DNAH8: variants seen among roughly 807,000 people sequenced by gnomAD.
DNAH8 encodes axonemal beta dynein heavy chain 8.
Under a neutral mutation model 562.1 loss-of-function variants are expected in DNAH8, and 382 were observed. The observed-to-expected ratio is 0.68, with a 90% CI of 0.63 to 0.74. The LOEUF is 0.74. DNAH8 is among the 30% of genes least tolerant of loss of function. The pLI is 0.00. For missense variants in DNAH8, 5,203 were observed against 5,620.4 expected, an observed-to-expected ratio of 0.93 and a Z score of 2.37; for synonymous variants, 1,881 against 1,919.4, an observed-to-expected ratio of 0.98 and a Z score of 0.52.
intron 30 of DNAH8, among the ~76,000 whole-genome samples, chr6:38,831,968 A>C (rs911755909): frequency 1.3e-5 from 2 of 152,164 alleles, no homozygotes; most frequent in African/African-American, 4.8e-5. Context: ...CAATGACTGC[A>C]GGCATGTGAC....
chr6:38,791,804 A>G (rs1769776757), intron 21 of DNAH8, 130 bp downstream of exon 21: 5 of 896,054 alleles, frequency 5.6e-6, no homozygotes, highest in African/African-American at 1.7e-5. Context: ...TTTTGTGAAC[A>G]TTCTCTGCTC....
chr6:38,894,191 T>G (rs1276268812), intron 58 of DNAH8, among the ~76,000 whole-genome samples: 9 of 152,240 alleles, frequency 5.9e-5, no homozygotes, highest in Non-Finnish European at 1.0e-4. Flanking sequence ...CAGGTTATGA[T>G]ATGCAGATAT....
At chr6:38,863,171 C>A (rs947795556) in intron 44 of DNAH8, among the ~76,000 whole-genome samples, 3 of 152,134 alleles carry the variant, frequency 2.0e-5, no homozygotes, top group Non-Finnish European at 2.9e-5. Flanking sequence ...GCACGGCTCA[C>A]GCTTGTAATC....
chr6:39,024,085 A>T (rs1442114500), intron 91 of DNAH8, among the ~76,000 whole-genome samples: 2 of 152,228 alleles, frequency 1.3e-5, no homozygotes, highest in Non-Finnish European at 2.9e-5. Context: ...TTTGTAGCAG[A>T]TGTGCTAAAT....
At chr6:38,980,687 A>G (rs1204986952) in intron 85 of DNAH8, among the ~76,000 whole-genome samples, 1 of 152,168 alleles carries the variant, frequency 6.6e-6, no homozygotes, top group Admixed American at 6.5e-5. Context: ...ATGCCTGACA[A>G]CCTTAACTAA....
chr6:38,883,446 T>C lies in DNAH8; in HGVS notation c.8126T>C (p.Met2709Thr). The C allele has an allele frequency of 6.2e-7, 1 of 1,608,156 alleles. No homozygotes were observed. Among genetic ancestry groups the C allele is most frequent in the South Asian group, 1.1e-5 (1 of 89,374 alleles). ...AACTTTTCATCTGCCACAGAACCAA[T>C]GATGTTTCAGGTGAAATCCATCATT... Reference protein sequence around the residue: ...SLNFSSATEPMMFQRTIESYV... With the variant: ...SLNFSSATEPTMFQRTIESYV... Residue 2709 changes from methionine (M) to threonine (T), a missense_variant, in exon 55 of 93, where the codon ATG becomes ACG. By Grantham distance (81) the Met-to-Thr change is moderately conservative. Transcript: ENST00000327475.
intron 79 of DNAH8, among the ~76,000 whole-genome samples, chr6:38,939,577 A>T (rs1023025118): frequency 6.6e-6 from 1 of 152,244 alleles, no homozygotes; most frequent in African/African-American, 2.4e-5. Flanking sequence ...GATAATTTAA[A>T]AATAACTCCA....
chr6:38,999,642 A>G (rs1372334966), intron 88 of DNAH8, among the ~76,000 whole-genome samples: 1 of 152,062 alleles, frequency 6.6e-6, no homozygotes, highest in Non-Finnish European at 1.5e-5. Flanking sequence ...GAAGTAGGGC[A>G]TGATCACAGT....
chr6:39,030,747 C>G lies in DNAH8; in HGVS notation c.*355C>G, dbSNP rs116194272. Among the ~76,000 whole-genome samples the G allele has an allele frequency of 5.2e-3, 787 of 152,232 alleles. 5 individuals carry two copies. The highest frequency in any genetic ancestry group is 0.014 in the Middle Eastern group (4 of 294). ...GAGCCTAGTAGTTGTAAACTTTTCC[C>G]TCAAGTAGGTACCAATTTCCCTTGA... is the stretch of plus-strand genomic sequence containing the variant. On this transcript the variant is annotated 3_prime_UTR_variant, in exon 93 of 93. Transcript: ENST00000327475.
At position 38,886,913 on chromosome 6, in the gene DNAH8, T is replaced by G; in HGVS notation, c.8382T>G (p.Gly2794=). The G allele has an allele frequency of 6.2e-7, 1 of 1,614,024 alleles. No homozygotes were observed. Among genetic ancestry groups the G allele is most frequent in the Middle Eastern group, 1.6e-4 (1 of 6,062 alleles). The part of the protein sequence containing the change: ...QLIAAMIHPG[G]GRNDIPQRLK... ...TAGCAGCAATGATCCACCCTGGAGG[T>G]GGTCGAAATGATATTCCACAACGTT... is the stretch of plus-strand genomic sequence containing the variant. The change falls in exon 57 of 93, where the codon GGT becomes GGG. Residue 2794 remains glycine (G), a synonymous_variant. Coordinates refer to ENST00000327475, the MANE Select transcript of DNAH8 (RefSeq NM_001206927.2).
In DNAH8 at chr6:38,867,087, A is replaced by C. The variant is rs556205346; in HGVS notation, c.6693+211A>C. Reference sequence around the variant, plus strand: ...TTCACAGGAAGTTGCAAAGGAATGTACAGGGAGGCATGTACCCTTCACCCT... The same window carrying C: ...TTCACAGGAAGTTGCAAAGGAATGTCCAGGGAGGCATGTACCCTTCACCCT... On this transcript the variant is annotated intron_variant, in intron 47 of 92. Transcript: ENST00000327475. 3.3e-5 allele frequency among the ~76,000 whole-genome samples: 5 copies of C among 152,306 alleles called. No homozygotes were observed. In the East Asian group the frequency reaches 9.7e-4, roughly 29 times the overall value.
chr6:39,020,929 T>G (rs1318013884), intron 91 of DNAH8, among the ~76,000 whole-genome samples: 2 of 152,188 alleles, frequency 1.3e-5, no homozygotes, highest in African/African-American at 4.8e-5. Flanking sequence ...TGATGGACAT[T>G]TGGGTTGGTT....
chr6:39,003,581 A>G (rs1765618042), intron 88 of DNAH8, among the ~76,000 whole-genome samples: 2 of 152,204 alleles, frequency 1.3e-5, no homozygotes, highest in South Asian at 2.1e-4. Flanking sequence ...TTCTGTGTCT[A>G]TAAGCACAAT....
rs113804757 is a variant in DNAH8, at chr6:38,926,006, G to A, written c.10963-49G>A. ...TACAGTACTTTTAATTACTAATGAG[G>A]GCATTCCTGTTCTCCTTTGAATGGT... On this transcript the variant is annotated intron_variant, in intron 73 of 92. Coordinates refer to ENST00000327475, the MANE Select transcript of DNAH8 (RefSeq NM_001206927.2). 3.6e-3 allele frequency: 5,473 copies of A among 1,524,094 alleles called. 67 individuals are homozygous for A. The highest frequency in any genetic ancestry group is 0.033 in the African/African-American group (2,403 of 72,462). The allele number at this position is 1,524,094 out of a possible 1,614,324, so 94.4% of individuals were successfully genotyped here.
chr6:38,986,012 G>T (rs922806772), intron 87 of DNAH8, among the ~76,000 whole-genome samples: 2 of 152,236 alleles, frequency 1.3e-5, no homozygotes, highest in African/African-American at 2.4e-5. Context: ...GATGTGGTGG[G>T]TGAGCACCAT....
At chr6:38,716,331 G>A (rs1358329792) in intron 1 of DNAH8, among the ~76,000 whole-genome samples, 1 of 151,790 alleles carries the variant, frequency 6.6e-6, no homozygotes, top group Non-Finnish European at 1.5e-5. Context: ...CTTATTTCCC[G>A]TTCCTCTACC....
At chr6:38,897,504 AACTTT>A (rs1439944285) in intron 60 of DNAH8, among the ~76,000 whole-genome samples, 8 of 152,266 alleles carry the variant, frequency 5.3e-5, no homozygotes, top group Admixed American at 3.9e-4. Context: ...AACATGATAA[AACTTT>A]ACTTAAACAG....
At chr6:38,917,763 G>A (rs1218199861) in intron 69 of DNAH8, among the ~76,000 whole-genome samples, 162 bp from the exon 70 acceptor site, 2 of 152,160 alleles carry the variant, frequency 1.3e-5, no homozygotes, top group African/African-American at 4.8e-5. Flanking sequence ...AAGACAATTT[G>A]TGATTTACAG....
At position 38,789,819 on chromosome 6, in the gene DNAH8, A is replaced by G. The variant is rs776183547; in HGVS notation, c.2600A>G (p.Tyr867Cys). Residue 867 changes from tyrosine (Y) to cysteine (C), a missense_variant, in exon 19 of 93, where the codon TAT becomes TGT. Coordinates refer to ENST00000327475, the MANE Select transcript of DNAH8 (RefSeq NM_001206927.2). ...KLYLQGLLQY[Y>C]DELCQEVPSV... Reference sequence around the variant, plus strand: ...TTCCTACAGGGTCTTCTGCAATATTATGATGAGTTATGTCAGGAAGTGCCT... The same window carrying G: ...TTCCTACAGGGTCTTCTGCAATATTGTGATGAGTTATGTCAGGAAGTGCCT... The G allele has an allele frequency of 2.5e-6, 4 of 1,611,392 alleles. No individual in the cohort carries two copies. The highest frequency in any genetic ancestry group is 1.7e-5 in the Admixed American group (1 of 59,328).
Sources: gnomAD v4.1 joint callset for allele counts (sites outside exome capture counted in the v4.1 genomes callset) on GRCh38, gnomAD v4.1.1 for gene constraint, MANE v1.5 for transcripts, NCBI Gene and HGNC (gene_info 2026-07-23, HGNC 2026-07-21) for gene names.